Variants in GALNT18 observed in about 807,000 individuals in gnomAD.
GALNT18 encodes GalNAc-transferase 18.
Under a neutral mutation model 69.5 loss-of-function variants are expected in GALNT18, and 44 were observed. The observed-to-expected ratio is 0.63, with a 90% CI of 0.50 to 0.81. GALNT18 has a LOEUF of 0.81. GALNT18 is among the 40% of genes least tolerant of loss of function. GALNT18 has a pLI of 0.00. For missense variants in GALNT18, 715 were observed against 810.0 expected, an observed-to-expected ratio of 0.88 and a Z score of 1.42; for synonymous variants, 364 against 318.2, an observed-to-expected ratio of 1.14 and a Z score of -1.53.
rs1401423695 is a variant in GALNT18, at chr11:11,564,727, TA to T, written c.235+56631del. 3.3e-5 allele frequency among the ~76,000 whole-genome samples: 5 copies of T among 152,256 alleles called. No individual in the cohort carries two copies. The highest frequency in any genetic ancestry group is 7.3e-5 in the Non-Finnish European group (5 of 68,052). On this transcript the variant is annotated intron_variant, in intron 1 of 10. Coordinates refer to ENST00000227756, the MANE Select transcript of GALNT18 (RefSeq NM_198516.3). The surrounding 1 kb of genome is among the most constrained non-coding windows in gnomAD (Gnocchi z 4.3). Reference sequence around the variant, plus strand: ...AGTCAACCCACACAGCACATTTGCCTAGACTATCCCTGGTCAACCTTTACTC... The same window carrying T: ...AGTCAACCCACACAGCACATTTGCCTGACTATCCCTGGTCAACCTTTACTC...
rs1254509517 is a variant in GALNT18 at position 11,613,226 on chromosome 11, C to T, written c.235+8133G>A. ...CAAGGAATCCTCTTGCTTAAAGTTC[C>T]AGTTGGCTGCACTGGAACTACAGGG... On this transcript the variant is annotated intron_variant, in intron 1 of 10. Coordinates refer to ENST00000227756, the MANE Select transcript of GALNT18 (RefSeq NM_198516.3). The surrounding 1 kb of genome is among the most constrained non-coding windows in gnomAD (Gnocchi z 4.2). 2.6e-5 allele frequency among the ~76,000 whole-genome samples: 4 copies of T among 152,102 alleles called. No individual in the cohort carries two copies. The highest frequency in any genetic ancestry group is 4.4e-5 in the Non-Finnish European group (3 of 68,030).
intron 1 of GALNT18, among the ~76,000 whole-genome samples, chr11:11,566,446 G>A (rs947484942): frequency 6.6e-6 from 1 of 152,180 alleles, no homozygotes; most frequent in Non-Finnish European, 1.5e-5. Context: ...TAACACTATT[G>A]TATTGACATT....
In GALNT18 at chr11:11,582,368, T is replaced by C. The variant is rs1163168789; in HGVS notation, c.235+38991A>G. Among the ~76,000 whole-genome samples, 1 of 152,246 alleles carries C rather than the reference T, an allele frequency of 6.6e-6. No homozygotes were observed. Among genetic ancestry groups the C allele is most frequent in the Admixed American group, 6.5e-5 (1 of 15,286 alleles). ...ACTGCCCCTCCCTATAAGAGGGCTA[T>C]GCATGCCTGTCCGTTGCCCCGTGGC... is the stretch of plus-strand genomic sequence containing the variant. On this transcript the variant is annotated intron_variant, in intron 1 of 10. Coordinates refer to ENST00000227756, the MANE Select transcript of GALNT18 (RefSeq NM_198516.3). The surrounding 1 kb of genome is among the most constrained non-coding windows in gnomAD (Gnocchi z 5.0).
rs545181717 is a variant in GALNT18 at position 11,382,175 on chromosome 11, T to A, written c.596-2911A>T. 6.6e-6 allele frequency among the ~76,000 whole-genome samples: 1 copy of A among 152,174 alleles called. No individual in the cohort carries two copies. The highest frequency in any genetic ancestry group is 2.1e-4 in the South Asian group (1 of 4,820). On this transcript the variant is annotated intron_variant, in intron 3 of 10. Transcript: ENST00000227756. The surrounding 1 kb of genome is among the most constrained non-coding windows in gnomAD (Gnocchi z 4.3). ...TCCCCAGTTAGTTGCATCCCAAACA[T>A]GTGCTGCTGATTAGAAGAGGGAATT...
chr11:11,278,544 A>G (rs1013623659), intron 10 of GALNT18, among the ~76,000 whole-genome samples: 4 of 152,136 alleles, frequency 2.6e-5, no homozygotes, highest in South Asian at 2.1e-4. Flanking sequence ...TTGCAACAAC[A>G]TGGATAGAAC....
chr11:11,498,929 T>C (rs1856921547), intron 1 of GALNT18, among the ~76,000 whole-genome samples: 1 of 152,272 alleles, frequency 6.6e-6, no homozygotes, highest in Admixed American at 6.5e-5. Context: ...AAGATTGTTA[T>C]ATTCTTAACA....
chr11:11,616,824 A>C lies in GALNT18; in HGVS notation c.235+4535T>G, dbSNP rs1860064264. Among the ~76,000 whole-genome samples the C allele has an allele frequency of 6.6e-6, 1 of 152,258 alleles. No individual in the cohort carries two copies. On this transcript the variant is annotated intron_variant, in intron 1 of 10. Coordinates refer to ENST00000227756, the MANE Select transcript of GALNT18 (RefSeq NM_198516.3). The surrounding 1 kb of genome is among the most constrained non-coding windows in gnomAD (Gnocchi z 4.4). ...ACGGCATAACCTAATCACGTATTAT[A>C]TAAACCAATGAAATATGACGGCTAA...
At chr11:11,552,046 T>C (rs1858208841) in intron 1 of GALNT18, among the ~76,000 whole-genome samples, 1 of 152,244 alleles carries the variant, frequency 6.6e-6, no homozygotes, top group Non-Finnish European at 1.5e-5. Flanking sequence ...CTTCAGTTGC[T>C]TCAGGCCATC....
At chr11:11,520,138 C>G (rs1055061683) in intron 1 of GALNT18, among the ~76,000 whole-genome samples, 2 of 152,252 alleles carry the variant, frequency 1.3e-5, no homozygotes, top group African/African-American at 4.8e-5. Context: ...TTTTAACCAA[C>G]AAGCTTGTAG....
At chr11:11,418,784 AC>A (rs1854924169) in intron 3 of GALNT18, among the ~76,000 whole-genome samples, 1 of 152,234 alleles carries the variant, frequency 6.6e-6, no homozygotes. Context: ...CTAGCAAAGC[AC>A]TGGACCAGGG....
intron 9 of GALNT18, among the ~76,000 whole-genome samples, chr11:11,326,041 C>CTTTTTTTTTTTTTTTTTTTTTTTTTTT (rs34393732): frequency 9.5e-6 from 1 of 105,424 alleles, no homozygotes; most frequent in African/African-American, 3.7e-5. Flanking sequence ...TGCTAAATAT[C>CTTTTTTTTTTTTTTTTTTTTTTTTTTT]TTTTTTTTTT....
At chr11:11,296,737 G>C (rs943073240) in intron 9 of GALNT18, among the ~76,000 whole-genome samples, 2 of 152,116 alleles carry the variant, frequency 1.3e-5, no homozygotes, top group Non-Finnish European at 2.9e-5. Context: ...CCAGAGTCTG[G>C]GAAAATCATA....
chr11:11,611,727 T>A (rs1859906779), intron 1 of GALNT18, among the ~76,000 whole-genome samples: 1 of 152,126 alleles, frequency 6.6e-6, no homozygotes, highest in Non-Finnish European at 1.5e-5. Context: ...GCCTGGGACA[T>A]TTTGGGTGCT....
At chr11:11,585,293 T>A (rs1450939625) in intron 1 of GALNT18, among the ~76,000 whole-genome samples, 4 of 152,216 alleles carry the variant, frequency 2.6e-5, no homozygotes, top group Non-Finnish European at 5.9e-5. Context: ...ATATCCATAA[T>A]TATCTGAAAA....
At chr11:11,585,970 T>C (rs1859214093) in intron 1 of GALNT18, among the ~76,000 whole-genome samples, 1 of 151,994 alleles carries the variant, frequency 6.6e-6, no homozygotes, top group East Asian at 1.9e-4. Context: ...ATGGGTGGGA[T>C]TTGTATCCTT....
chr11:11,306,781 C>T (rs1380734019), intron 9 of GALNT18, among the ~76,000 whole-genome samples: 1 of 152,238 alleles, frequency 6.6e-6, no homozygotes, highest in African/African-American at 2.4e-5. Flanking sequence ...TCCTCGCATA[C>T]AAACTACTTT....
In GALNT18 at chr11:11,403,999, G is replaced by A. The variant is rs75034376; in HGVS notation, c.596-24735C>T. Reference sequence around the variant, plus strand: ...TCAATTCCTGGCCCCTATTCCAGAGGAGTCATGTGCAGTGGGCAGGATCCA... The same window carrying A: ...TCAATTCCTGGCCCCTATTCCAGAGAAGTCATGTGCAGTGGGCAGGATCCA... On this transcript the variant is annotated intron_variant, in intron 3 of 10. Transcript: ENST00000227756. Among the ~76,000 whole-genome samples the A allele has an allele frequency of 7.9e-3, 1,202 of 152,324 alleles. 12 individuals are homozygous for A. Among genetic ancestry groups the A allele is most frequent in the African/African-American group, 0.027 (1,135 of 41,564 alleles).
intron 1 of GALNT18, among the ~76,000 whole-genome samples, chr11:11,493,882 C>A (rs1328962132): frequency 6.6e-6 from 1 of 152,164 alleles, no homozygotes; most frequent in African/African-American, 2.4e-5. Context: ...CCTGTCCCAG[C>A]GTGTGGCAGC....
intron 9 of GALNT18, among the ~76,000 whole-genome samples, chr11:11,298,235 G>T (rs1849434742): frequency 6.6e-6 from 1 of 152,242 alleles, no homozygotes; most frequent in South Asian, 2.1e-4. Flanking sequence ...TGGAAACTCT[G>T]CCACAGCTTC....
Sources: gnomAD v4.1 joint callset for allele counts (sites outside exome capture counted in the v4.1 genomes callset) on GRCh38, gnomAD v4.1.1 for gene constraint, Gnocchi (gnomAD v3.1) non-coding constraint, MANE v1.5 for transcripts, NCBI Gene and HGNC (gene_info 2026-07-23, HGNC 2026-07-21) for gene names.